Variants in FOXP1 observed in about 807,000 individuals in gnomAD.
FOXP1 encodes forkhead box protein P1.
FOXP1 carries 15 observed loss-of-function variants against 98.2 expected under a neutral mutation model. The ratio of observed to expected loss-of-function variants is 0.15; its 90% CI spans 0.10 to 0.24. The LOEUF is 0.24. Among genes scored for constraint, FOXP1 ranks in the 10% least tolerant of loss-of-function variants. The pLI, the probability that FOXP1 is intolerant of heterozygous loss-of-function variation, is 1.00. For missense variants in FOXP1, 633 were observed against 848.5 expected (o/e 0.75, Z 3.15); for synonymous variants, 371 against 314.5 (o/e 1.18, Z -1.90).
intron 2 of FOXP1, among the ~76,000 whole-genome samples, chr3:71,534,357 A>AAAC (rs748850801): frequency 2.8e-4 from 43 of 152,000 alleles, no homozygotes; most frequent in African/African-American, 5.8e-4. Flanking sequence ...ACTCTGTCAA[A>AAAC]AACAACAACA....
At chr3:71,100,448 C>T (rs970208788) in intron 7 of FOXP1, among the ~76,000 whole-genome samples, 11 of 152,182 alleles carry the variant, frequency 7.2e-5, no homozygotes, top group South Asian at 2.1e-4. Flanking sequence ...GGGAGTGTCT[C>T]GCCTTAAGGT....
intron 4 of FOXP1, among the ~76,000 whole-genome samples, chr3:71,317,766 T>A (rs1312560394): frequency 2.6e-5 from 4 of 151,986 alleles, no homozygotes; most frequent in Non-Finnish European, 4.4e-5. Context: ...AGTGTCTGAG[T>A]ATAACACGTC....
chr3:71,022,611 G>A (rs1435133757), intron 11 of FOXP1, among the ~76,000 whole-genome samples: 6 of 152,130 alleles, frequency 3.9e-5, no homozygotes, highest in Non-Finnish European at 5.9e-5. Flanking sequence ...TCCTTTTACT[G>A]AGGGCCAGCA....
chr3:71,547,755 C>T (rs1578129244), intron 2 of FOXP1, among the ~76,000 whole-genome samples: 2 of 152,160 alleles, frequency 1.3e-5, no homozygotes, highest in Admixed American at 6.5e-5. Context: ...CTATAAGCAA[C>T]CCATTCCAGC....
intron 3 of FOXP1, among the ~76,000 whole-genome samples, chr3:71,464,054 G>A (rs2088441182): frequency 6.6e-6 from 1 of 152,202 alleles, no homozygotes; most frequent in South Asian, 2.1e-4. Context: ...AAGGCAGGAG[G>A]ACTGCTTAAG....
At chr3:71,107,294 C>T (rs2057521876) in intron 7 of FOXP1, among the ~76,000 whole-genome samples, 1 of 152,056 alleles carries the variant, frequency 6.6e-6, no homozygotes, top group African/African-American at 2.4e-5. Context: ...CAGCCTGGAC[C>T]CCAAGGTGAA....
intron 3 of FOXP1, among the ~76,000 whole-genome samples, chr3:71,455,010 T>G (rs2108512951): frequency 6.6e-6 from 1 of 152,280 alleles, no homozygotes; most frequent in South Asian, 2.1e-4. Context: ...CTGCAAAAAC[T>G]TCAAAAACCA....
intron 6 of FOXP1, among the ~76,000 whole-genome samples, chr3:71,162,102 A>G (rs1247055283): frequency 6.6e-6 from 1 of 152,226 alleles, no homozygotes; most frequent in African/African-American, 2.4e-5. Context: ...ATCGAAGTAG[A>G]CACCAAGCAT....
intron 2 of FOXP1, among the ~76,000 whole-genome samples, chr3:71,522,972 A>C (rs1490592521): frequency 6.6e-6 from 1 of 152,234 alleles, no homozygotes; most frequent in Non-Finnish European, 1.5e-5. Flanking sequence ...CGAAAAGAGA[A>C]GGTGGATCCG....
intron 6 of FOXP1, among the ~76,000 whole-genome samples, chr3:71,148,281 G>A (rs1259995643): frequency 6.6e-6 from 1 of 152,184 alleles, no homozygotes; most frequent in Non-Finnish European, 1.5e-5. Flanking sequence ...GGAGGCTGAG[G>A]CAAGAGAATC....
At chr3:71,561,278 A>C (rs2046514122) in intron 2 of FOXP1, among the ~76,000 whole-genome samples, 2 of 151,776 alleles carry the variant, frequency 1.3e-5, no homozygotes. Context: ...CTGGTCTCGA[A>C]CTCCTGACCT....
At chr3:71,235,923 T>C (rs1192475264) in intron 5 of FOXP1, among the ~76,000 whole-genome samples, 1 of 152,224 alleles carries the variant, frequency 6.6e-6, no homozygotes, top group Non-Finnish European at 1.5e-5. Context: ...AATTCTGTAC[T>C]AGGTAAAGAA....
At chr3:71,192,600 G>A (rs543827598) in intron 6 of FOXP1, among the ~76,000 whole-genome samples, 2 of 152,348 alleles carry the variant, frequency 1.3e-5, no homozygotes, top group South Asian at 2.1e-4. Flanking sequence ...ATGAAGGGAT[G>A]GATTTTGCCA....
At chr3:71,081,807 C>T (rs2107527058) in intron 7 of FOXP1, among the ~76,000 whole-genome samples, 1 of 152,328 alleles carries the variant, frequency 6.6e-6, no homozygotes, top group Admixed American at 6.5e-5. Flanking sequence ...TAGATTTTGT[C>T]ATTAACCCAG....
chr3:71,479,181 T>G (rs1320295179), intron 3 of FOXP1, among the ~76,000 whole-genome samples: 1 of 152,210 alleles, frequency 6.6e-6, no homozygotes. Context: ...CCCAGCACTC[T>G]GGGACTGGGG....
At chr3:71,422,322 A>T (rs1336055106) in intron 3 of FOXP1, among the ~76,000 whole-genome samples, 1 of 152,174 alleles carries the variant, frequency 6.6e-6, no homozygotes, top group Non-Finnish European at 1.5e-5. Context: ...ATACAATCCA[A>T]AATGTTCTAG....
intron 3 of FOXP1, among the ~76,000 whole-genome samples, chr3:71,422,606 A>G (rs754458914): frequency 6.6e-6 from 1 of 152,238 alleles, no homozygotes; most frequent in Non-Finnish European, 1.5e-5. Flanking sequence ...TTTCAAATGA[A>G]TCTGAAGTGT....
intron 2 of FOXP1, among the ~76,000 whole-genome samples, chr3:71,539,742 A>G (rs957198682): frequency 6.6e-6 from 1 of 152,242 alleles, no homozygotes; most frequent in Admixed American, 6.5e-5. Flanking sequence ...TAAATACAAT[A>G]GCTTGAAATC....
intron 5 of FOXP1, among the ~76,000 whole-genome samples, chr3:71,281,644 T>C (rs2071579939): frequency 2.0e-5 from 3 of 152,184 alleles, no homozygotes; most frequent in Admixed American, 6.5e-5. Context: ...TAAAATAACA[T>C]CATGTTAGAG....
Sources: gnomAD v4.1 joint callset for allele counts (sites outside exome capture counted in the v4.1 genomes callset) on GRCh38, gnomAD v4.1.1 for gene constraint, MANE v1.5 for transcripts, NCBI Gene and HGNC (gene_info 2026-07-23, HGNC 2026-07-21) for gene names.